Variants in CAPN10 observed in about 807,000 individuals in gnomAD.
The protein encoded by CAPN10 is calpain-10.
Under a neutral mutation model 78.4 loss-of-function variants are expected in CAPN10, and 71 were observed. The ratio of observed to expected loss-of-function variants is 0.91; its 90% CI spans 0.75 to 1.10. The LOEUF is 1.10. Ranked by LOEUF, CAPN10 falls within the 50% of genes least tolerant of loss-of-function variation. The pLI is 0.00. For missense variants in CAPN10, 849 were observed against 924.6 expected, an observed-to-expected ratio of 0.92 and a Z score of 1.06; for synonymous variants, 437 against 407.2, an observed-to-expected ratio of 1.07 and a Z score of -0.88.
chr2:240,595,318 G>A lies in CAPN10; in HGVS notation c.1278+14G>A, dbSNP rs778781307. 23 of 1,610,748 alleles carry A rather than the reference G, an allele frequency of 1.4e-5. No individual in the cohort carries two copies. Among genetic ancestry groups the A allele is most frequent in the African/African-American group, 6.7e-5 (5 of 75,048 alleles). ...CACCTCTGGAAGGTAACTCAGCCCC[G>A]TCTGGCTCACGCTCGGTTCAGCAGG... On this transcript the variant is annotated intron_variant, in intron 7 of 11. Coordinates refer to ENST00000391984, the MANE Select transcript of CAPN10 (RefSeq NM_023083.4).
intron 1 of CAPN10, among the ~76,000 whole-genome samples, chr2:240,589,042 C>A (rs1575445307): frequency 1.3e-5 from 2 of 152,230 alleles, no homozygotes; most frequent in East Asian, 3.9e-4. Flanking sequence ...GATTTACCAG[C>A]ATGAGTAAAA....
At chr2:240,594,916 T>A (rs2093126858) in intron 6 of CAPN10, 108 bp from the exon 7 acceptor site, 9 of 1,109,554 alleles carry the variant, frequency 8.1e-6, no homozygotes, top group Non-Finnish European at 1.1e-5. Context: ...TGGCTCTGTC[T>A]GTGGCCGTAG....
chr2:240,593,156 C>T lies in CAPN10; in HGVS notation c.689-750C>T, dbSNP rs147860517. ...GGCGCTGGTCTGGTGGGCATTAGCT[C>T]GGGGAGCTGTTGGTTTTGGGTGCTC... On this transcript the variant is annotated intron_variant, in intron 4 of 11. Coordinates refer to ENST00000391984, the MANE Select transcript of CAPN10 (RefSeq NM_023083.4). Among the ~76,000 whole-genome samples the T allele has an allele frequency of 6.9e-3, 1,055 of 152,270 alleles. 18 individuals carry two copies. Among genetic ancestry groups the T allele is most frequent in the Non-Finnish European group, 5.7e-3 (391 of 68,004 alleles).
intron 4 of CAPN10, among the ~76,000 whole-genome samples, chr2:240,593,389 GCT>G (rs1491190382): frequency 2.6e-5 from 4 of 152,212 alleles, no homozygotes; most frequent in Admixed American, 2.0e-4. Flanking sequence ...TCTCTGTTTG[GCT>G]CTTTCTTTTC....
Position 240,598,099 on chromosome 2 carries a change from G to T in CAPN10, c.1943+12G>T. The stretch of plus-strand genomic sequence containing the variant: ...ACCAGGATTGACAGGTGGGGCTCTG[G>T]GACTTGGGGGCGGCCAGCTGGAGGC... On this transcript the variant is annotated intron_variant, in intron 10 of 11. Coordinates refer to ENST00000391984, the MANE Select transcript of CAPN10 (RefSeq NM_023083.4). The T allele has an allele frequency of 6.3e-7, 1 of 1,598,610 alleles. No homozygotes were observed. The highest frequency in any genetic ancestry group is 8.6e-7 in the Non-Finnish European group (1 of 1,169,336).
rs1432349326 is a variant in CAPN10, at chr2:240,594,138, T to G, written c.830+91T>G. On this transcript the variant is annotated intron_variant, in intron 5 of 11. Transcript: ENST00000391984. The stretch of plus-strand genomic sequence containing the variant: ...CCTGGTCACCTTCAGCTGTCAGGAC[T>G]GTACTTGGCTGTCTCCAGCAAGGCC... 3 of 1,337,826 alleles carry G rather than the reference T, an allele frequency of 2.2e-6. No individual in the cohort carries two copies. The Admixed American group carries it at 7.4e-5, about 33-fold the overall frequency. The allele number at this position is 1,337,826 out of a possible 1,614,324, so 82.9% of individuals were successfully genotyped here. A position where few individuals can be genotyped will look rare whatever the true frequency, so the allele number is the denominator to read the frequency against.
At chr2:240,594,734 G>C in intron 6 of CAPN10, 25 bp downstream of exon 6, 1 of 1,601,150 alleles carries the variant, frequency 6.2e-7, no homozygotes. Flanking sequence ...GGCTGTGCTG[G>C]GCACGTGCTC....
rs1467740134 is a variant in CAPN10, at chr2:240,596,489, C to G, written c.1449C>G (p.Leu483=). 1 of 1,611,506 alleles carries G rather than the reference C, an allele frequency of 6.2e-7. No individual in the cohort carries two copies. Among genetic ancestry groups the G allele is most frequent in the South Asian group, 1.1e-5 (1 of 91,002 alleles). Residue 483 remains leucine (L), a synonymous_variant, in exon 8 of 12, where the codon CTC becomes CTG. Coordinates refer to ENST00000391984, the MANE Select transcript of CAPN10 (RefSeq NM_023083.4). ...AGGACGCGCCAGGGGAGTTCCTGCT[C>G]CGAGTCTTCTCTACCGGGCGAGTCT... The part of the protein sequence containing the change: ...FLKDAPGEFL[L]RVFSTGRVSL...
intron 1 of CAPN10, among the ~76,000 whole-genome samples, chr2:240,588,441 G>A (rs912201391): frequency 1.3e-5 from 2 of 152,314 alleles, no homozygotes; most frequent in South Asian, 2.1e-4. Flanking sequence ...GACTTGAGAA[G>A]CAGCAGGCAG....
Position 240,596,674 on chromosome 2 carries a change from T to C in CAPN10, c.1482-7T>C. On this transcript the variant is annotated splice_polypyrimidine_tract_variant and splice_region_variant and intron_variant, in intron 8 of 11. Coordinates refer to ENST00000391984, the MANE Select transcript of CAPN10 (RefSeq NM_023083.4). ...CCAGCGCCCTCCCATGTTTGTCTTC[T>C]TGGCAGCGCCATCAGGGCAGTGGCC... 1 of 1,536,756 alleles carries C rather than the reference T, an allele frequency of 6.5e-7. No homozygotes were observed. The highest frequency in any genetic ancestry group is 1.3e-5 in the South Asian group (1 of 78,180).
At chr2:240,587,124 C>CG in intron 1 of CAPN10, 72 bp downstream of exon 1, 1 of 1,014,782 alleles carries the variant, frequency 9.9e-7, no homozygotes, top group Non-Finnish European at 1.3e-6. Context: ...GGGAGCGGGG[C>CG]GGGGTGGGCG....
chr2:240,586,875 G>A lies in CAPN10; in HGVS notation c.-37G>A, dbSNP rs1445488609. The A allele has an allele frequency of 1.5e-6, 2 of 1,351,212 alleles. No individual in the cohort carries two copies. Among genetic ancestry groups the A allele is most frequent in the African/African-American group, 3.1e-5 (2 of 65,272 alleles). The allele number at this position is 1,351,212 out of a possible 1,614,324, so 83.7% of individuals were successfully genotyped here. A position where few individuals can be genotyped will look rare whatever the true frequency, so the allele number is the denominator to read the frequency against. On this transcript the variant is annotated 5_prime_UTR_variant, in exon 1 of 12. Transcript: ENST00000391984. ...CTTCTCTCCGGGGCTGCGACCCCGA[G>A]GCAACCGGCTGCAGATGGGAGCCCG...
At chr2:240,592,203 C>G in intron 4 of CAPN10, 53 bp downstream of exon 4, 1 of 1,431,566 alleles carries the variant, frequency 7.0e-7, no homozygotes, top group Non-Finnish European at 9.6e-7. Context: ...CCCCCACTGC[C>G]AGGCCTCAGG....
chr2:240,594,063 T>TCTGGAGAGAG lies in CAPN10; in HGVS notation c.830+16_830+17insCTGGAGAGAG, dbSNP rs761302742. 4.5e-6 allele frequency: 7 copies of TCTGGAGAGAG among 1,566,154 alleles called. No homozygotes were observed. The stretch of plus-strand genomic sequence containing the variant: ...GGAGAGAGGGGTGAGTGCTGGGGCC[T>TCTGGAGAGAG]GGACCATGCTGCTGTCGGGAGGGGG... On this transcript the variant is annotated intron_variant, in intron 5 of 11. Transcript: ENST00000391984.
At position 240,591,027 on chromosome 2, in the gene CAPN10, GC is replaced by G; in HGVS notation, c.470+17del. 6.2e-7 allele frequency: 1 copy of G among 1,610,616 alleles called. No individual in the cohort carries two copies. Among genetic ancestry groups the G allele is most frequent in the Admixed American group, 1.7e-5 (1 of 59,956 alleles). On this transcript the variant is annotated intron_variant, in intron 3 of 11. Coordinates refer to ENST00000391984, the MANE Select transcript of CAPN10 (RefSeq NM_023083.4). ...TCTACGCCAAGTGCGTGTGCTGGGG[GC>G]TGAAGGGCCTGGCCTGGGGCAAGTG...
In CAPN10 at chr2:240,590,814, G is replaced by A. The variant is rs750514434; in HGVS notation, c.274-1G>A. ...CTTTTGCTTCTCCCTGTGCATGGCA[G>A]GTCATTCCTCCGGGACAGCCGAGCT... On this transcript the variant is annotated splice_acceptor_variant, in intron 2 of 11. Transcript: ENST00000391984. LOFTEE classifies it high-confidence loss of function. The A allele has an allele frequency of 6.2e-7, 1 of 1,613,964 alleles. No homozygotes were observed. The highest frequency in any genetic ancestry group is 8.5e-7 in the Non-Finnish European group (1 of 1,179,904).
intron 1 of CAPN10, among the ~76,000 whole-genome samples, chr2:240,588,153 T>G (rs932339379): frequency 1.3e-5 from 2 of 152,144 alleles, no homozygotes; most frequent in Non-Finnish European, 2.9e-5. Flanking sequence ...ATGGTGGTCC[T>G]GGGACAGAGC....
rs753054948 is a variant in CAPN10 at position 240,596,796 on chromosome 2, A to G, written c.1597A>G (p.Arg533Gly). The G allele has an allele frequency of 5.6e-6, 9 of 1,613,050 alleles. No homozygotes were observed. The highest frequency in any genetic ancestry group is 7.6e-6 in the Non-Finnish European group (9 of 1,179,930). The change falls in exon 9 of 12, where the codon AGG becomes GGG. Residue 533 changes from arginine (R) to glycine (G), a missense_variant. Transcript: ENST00000391984. ...WRVGQTAGGSRNFASYPTNPC... is the reference protein window; with the variant it reads ...WRVGQTAGGSGNFASYPTNPC... ...AGTCGGCCAGACGGCGGGGGGCAGCAGGAACTTTGCCTCATACCCCACCAA... is the reference window on the plus strand; with the variant it reads ...AGTCGGCCAGACGGCGGGGGGCAGCGGGAACTTTGCCTCATACCCCACCAA...
chr2:240,587,171 C>A, intron 1 of CAPN10, 119 bp downstream of exon 1: 1 of 523,092 alleles, frequency 1.9e-6, no homozygotes, highest in Non-Finnish European at 3.1e-6. Context: ...CGCCGTTGTT[C>A]TCCTCAGAAG....
Sources: gnomAD v4.1 joint callset for allele counts (sites outside exome capture counted in the v4.1 genomes callset) on GRCh38, gnomAD v4.1.1 for gene constraint, MANE v1.5 for transcripts, NCBI Gene and HGNC (gene_info 2026-07-23, HGNC 2026-07-21) for gene names.